LRP1B: variants seen among roughly 807,000 people sequenced by gnomAD.
LRP1B encodes LDL receptor related protein 1B.
A neutral mutation model predicts 556.6 loss-of-function variants in LRP1B; 217 were observed. The ratio of observed to expected loss-of-function variants is 0.39; its 90% CI spans 0.35 to 0.44. The LOEUF is 0.44. Ranked by LOEUF, LRP1B falls within the 20% of genes least tolerant of loss-of-function variation. The pLI is 1.00. For missense variants in LRP1B, 5,053 were observed against 5,620.8 expected (o/e 0.90, Z 3.23); for synonymous variants, 2,047 against 1,865.8 (o/e 1.10, Z -2.50).
At chr2:141,422,273 G>C (rs532731783) in intron 3 of LRP1B, among the ~76,000 whole-genome samples, 31 of 152,016 alleles carry the variant, frequency 2.0e-4, no homozygotes, top group Admixed American at 5.2e-4. Context: ...CTAACCTTAA[G>C]GTAAATTTGG....
chr2:140,763,830 G>C (rs1689010353), intron 35 of LRP1B, among the ~76,000 whole-genome samples: 1 of 151,984 alleles, frequency 6.6e-6, no homozygotes, highest in Non-Finnish European at 1.5e-5. Flanking sequence ...AAGATTTACT[G>C]AATTGACTAC....
intron 25 of LRP1B, among the ~76,000 whole-genome samples, chr2:140,873,240 T>C (rs1693197202): frequency 6.6e-6 from 1 of 152,088 alleles, no homozygotes; most frequent in African/African-American, 2.4e-5. Flanking sequence ...GTTACAAAAG[T>C]ATAAACCCAG....
intron 3 of LRP1B, among the ~76,000 whole-genome samples, chr2:141,474,079 T>G (rs1682608814): frequency 6.8e-6 from 1 of 146,196 alleles, no homozygotes. Context: ...CTTCCTTTCC[T>G]CCCTCCCTTC....
At chr2:140,324,870 C>CT (rs36073920) in intron 80 of LRP1B, among the ~76,000 whole-genome samples, 51 of 136,788 alleles carry the variant, frequency 3.7e-4, no homozygotes, top group Admixed American at 5.9e-4. Context: ...GGGATCTGAA[C>CT]TTTTTTTTTT....
At chr2:140,246,019 AT>A (rs1203725617) in intron 87 of LRP1B, among the ~76,000 whole-genome samples, 1 of 151,482 alleles carries the variant, frequency 6.6e-6, no homozygotes, top group Non-Finnish European at 1.5e-5. Flanking sequence ...AGGCTTATTA[AT>A]AAACCCAAAT....
chr2:141,520,214 G>A (rs1905291), intron 2 of LRP1B, among the ~76,000 whole-genome samples: 37,112 of 151,900 alleles, frequency 0.24, 5,211 homozygotes, highest in African/African-American at 0.38. Context: ...TAAGGCAAGT[G>A]GATTTTAATA....
At chr2:141,615,700 A>C (rs2105328597) in intron 2 of LRP1B, among the ~76,000 whole-genome samples, 1 of 152,338 alleles carries the variant, frequency 6.6e-6, no homozygotes, top group Middle Eastern at 3.4e-3. Context: ...TACTTGAAAC[A>C]GAAACTCTCA....
intron 87 of LRP1B, 51 bp downstream of exon 87, chr2:140,247,035 A>T (rs1173038193): frequency 1.6e-6 from 2 of 1,285,892 alleles, no homozygotes; most frequent in Non-Finnish European, 1.1e-6. Context: ...TGACATAACA[A>T]TGATTTATAT....
At chr2:140,637,185 C>G (rs1345777614) in intron 41 of LRP1B, among the ~76,000 whole-genome samples, 1 of 152,044 alleles carries the variant, frequency 6.6e-6, no homozygotes, top group South Asian at 2.1e-4. Context: ...ACTTTTGGAT[C>G]AAATGGCACT....
chr2:141,454,192 T>TCTCTTAAC (rs1372150407), intron 3 of LRP1B, among the ~76,000 whole-genome samples: 4 of 152,304 alleles, frequency 2.6e-5, no homozygotes, highest in South Asian at 4.1e-4. Flanking sequence ...TGTCTCTAAG[T>TCTCTTAAC]TAAGAGACTA....
At chr2:140,969,985 C>T (rs1696362319) in intron 18 of LRP1B, among the ~76,000 whole-genome samples, 1 of 152,170 alleles carries the variant, frequency 6.6e-6, no homozygotes, top group Non-Finnish European at 1.5e-5. Flanking sequence ...TTTGGTGAAT[C>T]TGATAATTAT....
intron 41 of LRP1B, chr2:140,683,567 G>A: frequency 1.5e-6 from 1 of 672,862 alleles, no homozygotes; most frequent in South Asian, 1.4e-5. Context: ...CCAAGTCCCA[G>A]TCTTCATTAA....
chr2:142,070,721 C>T (rs920213904), intron 1 of LRP1B, among the ~76,000 whole-genome samples: 6 of 151,858 alleles, frequency 4.0e-5, no homozygotes, highest in Admixed American at 6.6e-5. Context: ...TAAACCACTT[C>T]CATCTATTCT....
In LRP1B at chr2:141,131,870, AGTT is replaced by A. The variant is rs1340619535; in HGVS notation, c.1013+56548_1013+56550del. Reference sequence around the variant, plus strand: ...TAATTTCCATAGATTTTTGGGAAATAGTTGTTATTTGGTTACATGAGTAAGTTC... The same window carrying A: ...TAATTTCCATAGATTTTTGGGAAATAGTTATTTGGTTACATGAGTAAGTTC... On this transcript the variant is annotated intron_variant, in intron 7 of 90. Transcript: ENST00000389484. 6.9e-4 allele frequency among the ~76,000 whole-genome samples: 96 copies of A among 139,494 alleles called. 3 individuals carry two copies. The highest frequency in any genetic ancestry group is 6.7e-3 in the Admixed American group (96 of 14,292). 91.5% of individuals were successfully genotyped at this position (139,494 alleles called of 152,430 possible). A position where few individuals can be genotyped will look rare whatever the true frequency, so the allele number is the denominator to read the frequency against.
intron 35 of LRP1B, among the ~76,000 whole-genome samples, chr2:140,746,804 A>G (rs1157444052): frequency 2.6e-5 from 4 of 152,114 alleles, no homozygotes; most frequent in Non-Finnish European, 5.9e-5. Flanking sequence ...AATAAAAGGA[A>G]AATATTTTGG....
At chr2:141,719,182 A>G (rs991692663) in intron 2 of LRP1B, among the ~76,000 whole-genome samples, 7 of 152,170 alleles carry the variant, frequency 4.6e-5, no homozygotes, top group African/African-American at 1.7e-4. Context: ...ACAAGGTGTA[A>G]TTGGAAGAGT....
intron 1 of LRP1B, among the ~76,000 whole-genome samples, chr2:142,071,515 A>G (rs1377205676): frequency 1.3e-5 from 2 of 152,008 alleles, no homozygotes; most frequent in African/African-American, 4.8e-5. Context: ...AGAATAATAT[A>G]TAGTAATATG....
intron 3 of LRP1B, among the ~76,000 whole-genome samples, chr2:141,261,055 T>C (rs1349738611): frequency 1.3e-5 from 2 of 152,202 alleles, no homozygotes; most frequent in African/African-American, 2.4e-5. Flanking sequence ...ACACAGCTAC[T>C]TACCATGCCA....
At chr2:141,470,985 T>C (rs1162677705) in intron 3 of LRP1B, among the ~76,000 whole-genome samples, 1 of 152,192 alleles carries the variant, frequency 6.6e-6, no homozygotes, top group Non-Finnish European at 1.5e-5. Flanking sequence ...TTGCTTAATA[T>C]GGCTCCTCAT....
Sources: allele counts gnomAD v4.1 joint callset (sites outside exome capture counted in the v4.1 genomes callset), GRCh38; gene constraint gnomAD v4.1.1; transcripts MANE v1.5; gene names NCBI Gene and HGNC (gene_info 2026-07-23, HGNC 2026-07-21).